The following ARVCF variants were observed in gnomAD, a reference collection of about 807,000 sequenced individuals.
ARVCF encodes ARVCF delta catenin family member.
A neutral mutation model predicts 90.9 loss-of-function variants in ARVCF; 66 were observed. That is an observed-to-expected ratio of 0.73 (90% CI 0.60 to 0.89). The LOEUF (loss-of-function observed/expected upper bound fraction) is 0.89. Among genes scored for constraint, ARVCF ranks in the 40% least tolerant of loss-of-function variants. ARVCF has a pLI of 0.00. For missense variants in ARVCF, 1,469 were observed against 1,382.3 expected, an observed-to-expected ratio of 1.06 and a Z score of -1.00; for synonymous variants, 653 against 603.4, an observed-to-expected ratio of 1.08 and a Z score of -1.21.
intron 2 of ARVCF, among the ~76,000 whole-genome samples, chr22:20,008,980 G>A (rs1944732594): frequency 6.6e-6 from 1 of 152,152 alleles, no homozygotes; most frequent in Admixed American, 6.5e-5. Context: ...GGGAGAGTGA[G>A]CAAGTGTGCC....
chr22:19,977,833 A>C, intron 8 of ARVCF, 125 bp downstream of exon 8: 1 of 1,216,346 alleles, frequency 8.2e-7, no homozygotes, highest in Non-Finnish European at 1.1e-6. Context: ...GGCGGGCCAC[A>C]CCCAGAACGC....
intron 3 of ARVCF, chr22:19,987,131 G>T (rs7292055): frequency 8.0e-6 from 4 of 499,452 alleles, no homozygotes; most frequent in Non-Finnish European, 1.4e-5. Flanking sequence ...AGCAGCGGGG[G>T]AGGCGGTGGC....
intron 2 of ARVCF, among the ~76,000 whole-genome samples, chr22:19,993,212 C>G (rs940205111): frequency 6.6e-6 from 1 of 152,020 alleles, no homozygotes; most frequent in Non-Finnish European, 1.5e-5. Context: ...AAGAGCAACC[C>G]GGGATATGCT....
At position 19,981,423 on chromosome 22, in the gene ARVCF, T is replaced by C. The variant is rs1943491964; in HGVS notation, c.684A>G (p.Thr228=). ...GGAAGGCTTCCCGGTGGCCAGGCAG[T>C]GTGAAGCAGCCATCACCAGGGCCTG... ...LGPGPGDGCF[T]LPGHREAFPV... The change falls in exon 5 of 20, where the codon ACA becomes ACG. Residue 228 remains threonine, a synonymous_variant. Transcript: ENST00000263207. The C allele has an allele frequency of 2.5e-6, 4 of 1,572,356 alleles. No homozygotes were observed. Among genetic ancestry groups the C allele is most frequent in the African/African-American group, 2.7e-5 (2 of 74,018 alleles).
In ARVCF at chr22:19,980,103, C is replaced by T; in HGVS notation, c.1036G>A (p.Val346Met). ...CGCGGCTCCTTGCGGGCGCTATCCACTGAGGGCGAGCGCCGCACCAGCCGG... is the reference window on the plus strand; with the variant it reads ...CGCGGCTCCTTGCGGGCGCTATCCATTGAGGGCGAGCGCCGCACCAGCCGG... ...LDRLVRRSPS[V>M]DSARKEPRWR... Residue 346 changes from valine (V) to methionine (M), a missense_variant, in exon 6 of 20, where the codon GTG (valine) becomes ATG (methionine). Coordinates refer to ENST00000263207, the MANE Select transcript of ARVCF (RefSeq NM_001670.3). 6.3e-7 allele frequency: 1 copy of T among 1,586,724 alleles called. No homozygotes were observed. The highest frequency in any genetic ancestry group is 8.6e-7 in the Non-Finnish European group (1 of 1,169,532).
chr22:19,977,849 C>G (rs996350821), intron 8 of ARVCF, 109 bp downstream of exon 8: 124 of 1,320,026 alleles, frequency 9.4e-5, no homozygotes, highest in Non-Finnish European at 1.2e-4. Flanking sequence ...AACGCCACCC[C>G]AGACCCACAA....
chr22:19,986,359 C>T (rs1169455029), intron 3 of ARVCF, among the ~76,000 whole-genome samples: 6 of 152,318 alleles, frequency 3.9e-5, no homozygotes, highest in African/African-American at 1.4e-4. Flanking sequence ...CTCCTCTGCT[C>T]AGTTTCCCTG....
chr22:19,989,913 C>T (rs1396777713), intron 3 of ARVCF, among the ~76,000 whole-genome samples: 1 of 152,184 alleles, frequency 6.6e-6, no homozygotes, highest in Admixed American at 6.5e-5. Flanking sequence ...ATAATCACAC[C>T]ACATCCCAAG....
intron 19 of ARVCF, 145 bp downstream of exon 19, chr22:19,971,071 T>C: frequency 7.3e-7 from 1 of 1,364,266 alleles, no homozygotes. Flanking sequence ...TTTCCGGGAA[T>C]GGGCCACTGG....
At chr22:20,010,225 A>G (rs1207761335) in intron 2 of ARVCF, among the ~76,000 whole-genome samples, 1 of 152,204 alleles carries the variant, frequency 6.6e-6, no homozygotes, top group Non-Finnish European at 1.5e-5. Flanking sequence ...ACATCAAACC[A>G]GTGGCTGCTG....
At chr22:20,014,186 G>C (rs1280860320) in intron 1 of ARVCF, among the ~76,000 whole-genome samples, 1 of 147,340 alleles carries the variant, frequency 6.8e-6, no homozygotes, top group Non-Finnish European at 1.5e-5. Flanking sequence ...AGCCCATCCT[G>C]GTTGTTTTGT....
At position 20,002,815 on chromosome 22, in the gene ARVCF, A is replaced by T. The variant is rs956128855; in HGVS notation, c.-19+7640T>A. On this transcript the variant is annotated intron_variant, in intron 2 of 19. Coordinates refer to ENST00000263207, the MANE Select transcript of ARVCF (RefSeq NM_001670.3). Reference sequence around the variant, plus strand: ...GCTGATGTGTGGAATTGATTTTTTCAGCAAGGGCCTGCGATTCTGAATGCA... The same window carrying T: ...GCTGATGTGTGGAATTGATTTTTTCTGCAAGGGCCTGCGATTCTGAATGCA... Among the ~76,000 whole-genome samples, 6 of 152,314 alleles carry T rather than the reference A, an allele frequency of 3.9e-5. No homozygotes were observed. The East Asian group carries it at 9.7e-4, about 25-fold the overall frequency.
Position 19,978,006 on chromosome 22 carries a change from G to C in ARVCF, c.1650C>G (p.Leu550=). The C allele has an allele frequency of 5.6e-6, 9 of 1,612,048 alleles. No homozygotes were observed. The highest frequency in any genetic ancestry group is 7.6e-6 in the Non-Finnish European group (9 of 1,179,588). The change falls in exon 8 of 20, where the codon CTC becomes CTG. Residue 550 remains leucine, a synonymous_variant. Coordinates refer to ENST00000263207, the MANE Select transcript of ARVCF (RefSeq NM_001670.3). ...CCACAGCCGACTGCAGGGCATGCAG[G>C]AGCGCGTCCACCAGCCCTTCACACT... ...LRECEGLVDA[L]LHALQSAVGR...
At chr22:19,975,629 G>C in intron 11 of ARVCF, 57 bp downstream of exon 11, 1 of 1,597,260 alleles carries the variant, frequency 6.3e-7, no homozygotes, top group Non-Finnish European at 8.6e-7. Context: ...TCACTACCAG[G>C]GCAATCCTGA....
chr22:19,965,170 T>C (rs1405513647), downstream of ARVCF: 1 of 154,536 alleles, frequency 6.5e-6, no homozygotes, highest in Non-Finnish European at 1.4e-5. Flanking sequence ...CCAGGAACAA[T>C]GGGAGTCAGG....
intron 2 of ARVCF, among the ~76,000 whole-genome samples, chr22:19,992,157 A>G (rs538631639): frequency 4.3e-4 from 65 of 152,290 alleles, no homozygotes; most frequent in African/African-American, 1.3e-3. Flanking sequence ...GCCCAGCCCC[A>G]CCGACAGCTG....
chr22:20,000,241 A>T (rs2531694), intron 2 of ARVCF, among the ~76,000 whole-genome samples: 8 of 152,146 alleles, frequency 5.3e-5, no homozygotes, highest in Non-Finnish European at 1.0e-4. Context: ...CTCTGGCCAG[A>T]GCTGGCTGCT....
At position 19,969,941 on chromosome 22, in the gene ARVCF, T is replaced by A. The variant is rs1569140704; in HGVS notation, c.*815A>T. On this transcript the variant is annotated 3_prime_UTR_variant, in exon 20 of 20. Transcript: ENST00000263207. ...TTAAATTTTCTTACAAAAATTTAGG[T>A]GTTTACCAATAGTCTTATTTTGGCT... 1 of 985,524 alleles carries A rather than the reference T, an allele frequency of 1.0e-6. No individual in the cohort carries two copies. The highest frequency in any genetic ancestry group is 1.2e-6 in the Non-Finnish European group (1 of 829,928). 61.0% of individuals were successfully genotyped at this position (985,524 alleles called of 1,614,324 possible).
chr22:20,006,882 A>T (rs1030266140), intron 2 of ARVCF, among the ~76,000 whole-genome samples: 20 of 151,880 alleles, frequency 1.3e-4, no homozygotes, highest in Admixed American at 3.3e-4. Context: ...TGCCTGCCTC[A>T]GCCTCCCAAA....
Sources: allele counts gnomAD v4.1 joint callset (sites outside exome capture counted in the v4.1 genomes callset), GRCh38; gene constraint gnomAD v4.1.1; transcripts MANE v1.5; gene names NCBI Gene and HGNC (gene_info 2026-07-23, HGNC 2026-07-21).